TENT2: variants seen among roughly 807,000 people sequenced by gnomAD.
The protein encoded by TENT2 is terminal nucleotidyltransferase 2.
In TENT2, 44 loss-of-function variants were observed where a neutral mutation model predicts 72.2. That is an observed-to-expected ratio of 0.61 (90% CI 0.48 to 0.78). The LOEUF is 0.78. TENT2 is among the 30% of genes least tolerant of loss of function. The probability of loss-of-function intolerance (pLI) is 0.00; values close to 1 mark genes in which losing one functional copy is unlikely to be tolerated. For missense variants in TENT2, 541 were observed against 569.6 expected (o/e 0.95, Z 0.51); for synonymous variants, 212 against 192.5 (o/e 1.10, Z -0.84).
intron 4 of TENT2, among the ~76,000 whole-genome samples, chr5:79,626,306 ATTT>A (rs36064690): frequency 6.2e-5 from 8 of 129,978 alleles, no homozygotes; most frequent in Non-Finnish European, 5.0e-5. Context: ...TGCCCAGCTA[ATTT>A]TTTTTTTTTT....
rs1785496568 is a variant in TENT2, at chr5:79,642,814, T to C, written c.673-18T>C. 1.3e-6 allele frequency: 2 copies of C among 1,586,416 alleles called. No individual in the cohort carries two copies. Among genetic ancestry groups the C allele is most frequent in the Non-Finnish European group, 1.7e-6 (2 of 1,161,734 alleles). On this transcript the variant is annotated intron_variant, in intron 6 of 14. Coordinates refer to ENST00000453514, the MANE Select transcript of TENT2 (RefSeq NM_001114394.3). ...CTTAGAAAGATAATGAAAAAACACTTTATTTTTAACTTTTCAGTGTTTTTT... is the reference window on the plus strand; with the variant it reads ...CTTAGAAAGATAATGAAAAAACACTCTATTTTTAACTTTTCAGTGTTTTTT...
At chr5:79,667,580 A>G (rs1809317800) in intron 11 of TENT2, among the ~76,000 whole-genome samples, 1 of 152,166 alleles carries the variant, frequency 6.6e-6, no homozygotes, top group Non-Finnish European at 1.5e-5. Context: ...ATGTAAGGGG[A>G]AAGTCCCATG....
At chr5:79,652,733 A>T (rs929562521) in intron 10 of TENT2, among the ~76,000 whole-genome samples, 2 of 152,120 alleles carry the variant, frequency 1.3e-5, no homozygotes, top group Admixed American at 1.3e-4. Flanking sequence ...GCCCCTCTAA[A>T]AAAATTTGAA....
chr5:79,624,986 G>A (rs1409899884), intron 4 of TENT2, among the ~76,000 whole-genome samples: 2 of 152,168 alleles, frequency 1.3e-5, no homozygotes, highest in Non-Finnish European at 2.9e-5. Flanking sequence ...TTTCTAAAGT[G>A]GTTGCACCAT....
intron 8 of TENT2, among the ~76,000 whole-genome samples, chr5:79,647,325 G>A (rs925933755): frequency 6.6e-6 from 1 of 152,122 alleles, no homozygotes; most frequent in Non-Finnish European, 1.5e-5. Context: ...TTTGAAGCAG[G>A]AACTGTGGAT....
intron 10 of TENT2, among the ~76,000 whole-genome samples, chr5:79,654,671 T>G (rs1043277559): frequency 2.0e-5 from 3 of 150,924 alleles, no homozygotes; most frequent in Admixed American, 6.6e-5. Flanking sequence ...GGCTGAGGCA[T>G]GAGAATCACT....
intron 1 of TENT2, among the ~76,000 whole-genome samples, chr5:79,616,973 G>A (rs556892132): frequency 4.6e-5 from 7 of 152,194 alleles, no homozygotes; most frequent in African/African-American, 1.7e-4. Flanking sequence ...AAGGAACAAT[G>A]TTTGTGAGGG....
intron 13 of TENT2, 118 bp downstream of exon 13, chr5:79,679,788 T>C (rs958311902): frequency 1.1e-5 from 6 of 544,406 alleles, no homozygotes; most frequent in Middle Eastern, 1.1e-3. Context: ...TGTAAGTCTT[T>C]TAGTTTAAAA....
chr5:79,678,613 T>G (rs1165265014), intron 12 of TENT2, among the ~76,000 whole-genome samples: 1 of 152,198 alleles, frequency 6.6e-6, no homozygotes, highest in Non-Finnish European at 1.5e-5. Flanking sequence ...ATGAGATTGT[T>G]TTACTTGAAT....
intron 11 of TENT2, among the ~76,000 whole-genome samples, chr5:79,662,590 C>T (rs1353373528): frequency 1.3e-5 from 2 of 152,168 alleles, no homozygotes; most frequent in East Asian, 3.9e-4. Flanking sequence ...TCCATCAGAG[C>T]TCTTTGATGA....
chr5:79,629,023 G>A (rs148586806), intron 4 of TENT2, among the ~76,000 whole-genome samples: 2 of 152,294 alleles, frequency 1.3e-5, no homozygotes, highest in East Asian at 3.9e-4. Flanking sequence ...TGAGGCTGCT[G>A]TTAAGGTAGA....
chr5:79,671,098 C>G (rs1812657581), intron 12 of TENT2, among the ~76,000 whole-genome samples: 1 of 152,026 alleles, frequency 6.6e-6, no homozygotes, highest in African/African-American at 2.4e-5. Flanking sequence ...TGAAAATCAC[C>G]TGCTTTGTTG....
chr5:79,685,368 C>G lies in TENT2; in HGVS notation c.*95C>G, dbSNP rs1037167447. 9 of 823,420 alleles carry G rather than the reference C, an allele frequency of 1.1e-5. No individual in the cohort carries two copies. The highest frequency in any genetic ancestry group is 1.7e-5 in the Non-Finnish European group (9 of 544,518). 51.0% of individuals were successfully genotyped at this position (823,420 alleles called of 1,614,324 possible). A position where few individuals can be genotyped will look rare whatever the true frequency, so the allele number is the denominator to read the frequency against. The stretch of plus-strand genomic sequence containing the variant: ...TTACCTCCATCATAGTTGCTTTTTT[C>G]ATAGTTCTTGTTTTCATGTTTTATT... On this transcript the variant is annotated 3_prime_UTR_variant, in exon 15 of 15. Coordinates refer to ENST00000453514, the MANE Select transcript of TENT2 (RefSeq NM_001114394.3).
intron 4 of TENT2, among the ~76,000 whole-genome samples, chr5:79,630,878 A>G (rs930424845): frequency 1.3e-5 from 2 of 148,256 alleles, no homozygotes; most frequent in African/African-American, 2.5e-5. Flanking sequence ...TCACTGCACT[A>G]TGGAGAGTAG....
chr5:79,654,178 T>C (rs1261082089), intron 10 of TENT2, among the ~76,000 whole-genome samples: 9 of 152,176 alleles, frequency 5.9e-5, no homozygotes, highest in Non-Finnish European at 1.3e-4. Flanking sequence ...ACGCCTGTAA[T>C]CCCAGCAGTT....
intron 10 of TENT2, among the ~76,000 whole-genome samples, chr5:79,651,215 C>A (rs1418729671): frequency 6.6e-6 from 1 of 151,664 alleles, no homozygotes; most frequent in Non-Finnish European, 1.5e-5. Context: ...AATATAAATA[C>A]ATAAATGTCA....
chr5:79,668,102 A>C (rs1809924221), intron 11 of TENT2, among the ~76,000 whole-genome samples: 1 of 152,164 alleles, frequency 6.6e-6, no homozygotes, highest in Non-Finnish European at 1.5e-5. Flanking sequence ...TTCGAGAGCC[A>C]GAACTTGCTG....
intron 5 of TENT2, 59 bp from the exon 6 acceptor site, chr5:79,641,046 A>G: frequency 6.7e-7 from 1 of 1,497,068 alleles, no homozygotes; most frequent in Non-Finnish European, 9.0e-7. Context: ...TAATAGGCAC[A>G]GAACCATGCA....
intron 13 of TENT2, 86 bp downstream of exon 13, chr5:79,679,756 TAC>T (rs1275129481): frequency 4.3e-6 from 3 of 703,454 alleles, no homozygotes; most frequent in Non-Finnish European, 6.4e-6. Context: ...TTAAAAGTAA[TAC>T]ATTTATGTCT....
Sources: allele counts gnomAD v4.1 joint callset (sites outside exome capture counted in the v4.1 genomes callset), GRCh38; gene constraint gnomAD v4.1.1; transcripts MANE v1.5; gene names NCBI Gene and HGNC (gene_info 2026-07-23, HGNC 2026-07-21).